Variants in CADPS observed in about 807,000 individuals in gnomAD.
CADPS encodes calcium dependent secretion activator, also known as calcium-dependent secretion activator 1.
A neutral mutation model predicts 167.3 loss-of-function variants in CADPS; 57 were observed. That is an observed-to-expected ratio of 0.34 (90% CI 0.28 to 0.42). CADPS has a LOEUF of 0.42. CADPS is among the 20% of genes least tolerant of loss of function. The pLI is 1.00. For missense variants in CADPS, 1,414 were observed against 1,738.1 expected (o/e 0.81, Z 3.32); for synonymous variants, 676 against 635.3 (o/e 1.06, Z -0.96).
chr3:62,506,475 T>C (rs2066711256), intron 17 of CADPS, among the ~76,000 whole-genome samples: 1 of 152,208 alleles, frequency 6.6e-6, no homozygotes, highest in African/African-American at 2.4e-5. Context: ...GAAAGAAATA[T>C]AACACTCTTG....
chr3:62,626,557 TG>T (rs2064130115), intron 6 of CADPS: 2 of 702,638 alleles, frequency 2.8e-6, no homozygotes, highest in Admixed American at 4.0e-5. Flanking sequence ...TGTTCTCTTC[TG>T]TTTCTCCTGA....
chr3:62,591,826 G>A (rs920347253), intron 7 of CADPS, among the ~76,000 whole-genome samples: 1 of 152,154 alleles, frequency 6.6e-6, no homozygotes, highest in African/African-American at 2.4e-5. Context: ...CACTGAGTGG[G>A]TGGGTCCAGG....
At chr3:62,628,222 C>T (rs988327866) in intron 6 of CADPS, among the ~76,000 whole-genome samples, 1 of 152,206 alleles carries the variant, frequency 6.6e-6, no homozygotes, top group Admixed American at 6.5e-5. Context: ...ACAGTGAACA[C>T]TTCCTTAGCT....
At chr3:62,817,725 A>C (rs1039300501) in intron 1 of CADPS, among the ~76,000 whole-genome samples, 6 of 152,154 alleles carry the variant, frequency 3.9e-5, no homozygotes, top group Non-Finnish European at 7.4e-5. Context: ...AAATTCAAGA[A>C]ATTACCTAGT....
At chr3:62,622,211 G>C (rs1354595187) in intron 6 of CADPS, among the ~76,000 whole-genome samples, 1 of 152,120 alleles carries the variant, frequency 6.6e-6, no homozygotes, top group Non-Finnish European at 1.5e-5. Flanking sequence ...GTATCTCAGA[G>C]GGTCTGAGGT....
intron 1 of CADPS, among the ~76,000 whole-genome samples, chr3:62,766,233 C>T (rs1159168255): frequency 6.6e-6 from 1 of 151,992 alleles, no homozygotes; most frequent in Non-Finnish European, 1.5e-5. Context: ...AAATTCATTG[C>T]CTCCTAGTTA....
At position 62,753,266 on chromosome 3, in the gene CADPS, A is replaced by C. The variant is rs951137543; in HGVS notation, c.888+175T>G. Reference sequence around the variant, plus strand: ...AAATGTTTTATTTATTTATTTTTTAAATCAGAAGAAAAGCATGAATATACT... The same window carrying C: ...AAATGTTTTATTTATTTATTTTTTACATCAGAAGAAAAGCATGAATATACT... On this transcript the variant is annotated intron_variant, in intron 3 of 29. Transcript: ENST00000383710. This position sits in a 1 kb window ranked among gnomAD's most constrained non-coding sequence, Gnocchi z 4.6. Among the ~76,000 whole-genome samples the C allele has an allele frequency of 6.6e-6, 1 of 152,194 alleles. No homozygotes were observed. The highest frequency in any genetic ancestry group is 2.4e-5 in the African/African-American group (1 of 41,446).
chr3:62,600,541 A>G (rs909890522), intron 6 of CADPS, among the ~76,000 whole-genome samples: 7 of 152,200 alleles, frequency 4.6e-5, no homozygotes, highest in African/African-American at 1.7e-4. Flanking sequence ...TGACTAATCT[A>G]AAAGCGCCAT....
At chr3:62,526,911 T>A (rs2072385064) in intron 13 of CADPS, among the ~76,000 whole-genome samples, 1 of 152,142 alleles carries the variant, frequency 6.6e-6, no homozygotes, top group African/African-American at 2.4e-5. Flanking sequence ...TTTTACCCTC[T>A]CCAAGTGATT....
At chr3:62,539,805 G>A (rs189072166) in intron 11 of CADPS, among the ~76,000 whole-genome samples, 3 of 152,186 alleles carry the variant, frequency 2.0e-5, no homozygotes, top group African/African-American at 7.2e-5. Context: ...ATTGGAAACG[G>A]CTTATTTAAT....
At chr3:62,500,241 T>G (rs2065516433) in intron 17 of CADPS, 1 of 152,236 alleles carries the variant, frequency 6.6e-6, no homozygotes, top group Non-Finnish European at 1.5e-5. Flanking sequence ...CTGCAACCTC[T>G]GCCTCCTGGG....
chr3:62,423,149 A>G (rs1003257927), intron 28 of CADPS, among the ~76,000 whole-genome samples: 2 of 152,180 alleles, frequency 1.3e-5, no homozygotes, highest in Non-Finnish European at 2.9e-5. Flanking sequence ...TCAGCTGAGG[A>G]TGGGGTATCA....
intron 28 of CADPS, among the ~76,000 whole-genome samples, chr3:62,422,144 G>C (rs978296739): frequency 6.6e-6 from 1 of 152,096 alleles, no homozygotes; most frequent in African/African-American, 2.4e-5. Flanking sequence ...GCCAAGTGGG[G>C]AGCCTTTACA....
At chr3:62,519,233 T>C (rs2069801758) in intron 13 of CADPS, among the ~76,000 whole-genome samples, 1 of 152,184 alleles carries the variant, frequency 6.6e-6, no homozygotes, top group Non-Finnish European at 1.5e-5. Flanking sequence ...ATAAAACTTC[T>C]ATTGGAACAT....
chr3:62,410,700 AC>A (rs1172154886), intron 28 of CADPS, among the ~76,000 whole-genome samples: 1 of 152,216 alleles, frequency 6.6e-6, no homozygotes, highest in East Asian at 1.9e-4. Context: ...AGTGCCAGGC[AC>A]ATCCTAAGTA....
At chr3:62,835,615 T>TGA (rs1290791306) in intron 1 of CADPS, among the ~76,000 whole-genome samples, 7 of 152,086 alleles carry the variant, frequency 4.6e-5, no homozygotes, top group Non-Finnish European at 7.4e-5. Context: ...TGTCTTATTA[T>TGA]GAGAGAGAGA....
At chr3:62,560,593 C>T (rs983360894) in intron 9 of CADPS, among the ~76,000 whole-genome samples, 1 of 152,160 alleles carries the variant, frequency 6.6e-6, no homozygotes, top group Non-Finnish European at 1.5e-5. Flanking sequence ...CTCTGTCTTT[C>T]ACATCCTTGG....
chr3:62,485,873 T>C (rs929771960), intron 21 of CADPS, among the ~76,000 whole-genome samples: 1 of 152,136 alleles, frequency 6.6e-6, no homozygotes, highest in African/African-American at 2.4e-5. Context: ...TTTGACAAGG[T>C]AGGATACTGA....
intron 3 of CADPS, among the ~76,000 whole-genome samples, chr3:62,671,176 A>G (rs1327621084): frequency 1.3e-5 from 2 of 152,212 alleles, no homozygotes; most frequent in Admixed American, 6.5e-5. Context: ...TAAAGCACTT[A>G]GCATCATGTC....
Sources: allele counts gnomAD v4.1 joint callset (sites outside exome capture counted in the v4.1 genomes callset), GRCh38; gene constraint gnomAD v4.1.1; non-coding constraint Gnocchi (gnomAD v3.1); transcripts MANE v1.5; gene names NCBI Gene and HGNC (gene_info 2026-07-23, HGNC 2026-07-21).